Variants in TSNARE1 observed in about 807,000 individuals in gnomAD.
TSNARE1 encodes t-SNARE domain containing 1, also known as t-SNARE domain-containing protein 1.
Under a neutral mutation model 62.0 loss-of-function variants are expected in TSNARE1, and 49 were observed. The observed-to-expected ratio is 0.79, with a 90% confidence interval of 0.63 to 1.00. The LOEUF (loss-of-function observed/expected upper bound fraction) is 1.00, where lower values mean the gene tolerates loss of function less well. Ranked by LOEUF, TSNARE1 falls within the 50% of genes least tolerant of loss-of-function variation. The pLI is 0.00. For missense variants in TSNARE1, 755 were observed against 700.1 expected, an observed-to-expected ratio of 1.08 and a Z score of -0.88; for synonymous variants, 328 against 294.4, an observed-to-expected ratio of 1.11 and a Z score of -1.17.
intron 6 of TSNARE1, among the ~76,000 whole-genome samples, chr8:142,330,298 C>T (rs989751644): frequency 3.3e-5 from 5 of 152,186 alleles, no homozygotes; most frequent in African/African-American, 9.6e-5. Flanking sequence ...CCCCGCTCCC[C>T]AGCCCAGCCA....
chr8:142,347,807 T>G (rs1833571817), intron 2 of TSNARE1, among the ~76,000 whole-genome samples: 1 of 131,632 alleles, frequency 7.6e-6, no homozygotes, highest in African/African-American at 3.0e-5. Flanking sequence ...CTCGCCACAC[T>G]GCATCCGCTC....
chr8:142,347,653 G>A (rs910077779), intron 2 of TSNARE1, among the ~76,000 whole-genome samples: 3 of 151,398 alleles, frequency 2.0e-5, no homozygotes, highest in Admixed American at 6.6e-5. Context: ...CCATCACCTC[G>A]CCACACTGCA....
intron 9 of TSNARE1, among the ~76,000 whole-genome samples, chr8:142,306,372 T>C (rs1052896236): frequency 6.6e-6 from 1 of 152,170 alleles, no homozygotes; most frequent in African/African-American, 2.4e-5. Flanking sequence ...CTGGTGGAAA[T>C]GTAGGCTGAG....
intron 1 of TSNARE1, among the ~76,000 whole-genome samples, chr8:142,379,633 G>C (rs951943271): frequency 6.6e-6 from 1 of 152,170 alleles, no homozygotes; most frequent in Non-Finnish European, 1.5e-5. Context: ...TCTGCCTGAC[G>C]GGGAGGCGCG....
intron 1 of TSNARE1, among the ~76,000 whole-genome samples, chr8:142,360,563 T>C (rs1294710113): frequency 2.0e-5 from 3 of 152,124 alleles, no homozygotes; most frequent in Non-Finnish European, 2.9e-5. Context: ...ACCGAGCTGC[T>C]TCCGTGCCCG....
intron 1 of TSNARE1, among the ~76,000 whole-genome samples, chr8:142,394,263 G>A (rs1052073792): frequency 2.0e-5 from 3 of 152,182 alleles, no homozygotes; most frequent in Admixed American, 6.5e-5. Context: ...TCTGCCCATC[G>A]GACCACCCTG....
At chr8:142,284,587 C>G in intron 10 of TSNARE1, 102 bp from the exon 11 acceptor site, 1 of 896,644 alleles carries the variant, frequency 1.1e-6, no homozygotes, top group Admixed American at 1.8e-5. Flanking sequence ...CCAGGTGGCA[C>G]CTGCAGAATC....
At chr8:142,283,664 T>C (rs1165822934) in intron 11 of TSNARE1, among the ~76,000 whole-genome samples, 35 of 149,368 alleles carry the variant, frequency 2.3e-4, no homozygotes, top group South Asian at 8.5e-4. Flanking sequence ...TGTCTGTCAA[T>C]GAGCGGAGGT....
At chr8:142,357,566 G>A (rs944509751) in intron 1 of TSNARE1, among the ~76,000 whole-genome samples, 4 of 152,168 alleles carry the variant, frequency 2.6e-5, no homozygotes, top group African/African-American at 7.2e-5. Flanking sequence ...GGAGGGTGGA[G>A]CTAGGGATTG....
At chr8:142,399,064 A>T (rs1283567936) in intron 1 of TSNARE1, among the ~76,000 whole-genome samples, 1 of 152,214 alleles carries the variant, frequency 6.6e-6, no homozygotes, top group East Asian at 1.9e-4. Flanking sequence ...AGGCCCCTGC[A>T]GGAGACACCG....
rs79411880 is a variant in TSNARE1, at chr8:142,330,999, G to A, written c.824-29C>T. On this transcript the variant is annotated intron_variant, in intron 5 of 13. Coordinates refer to ENST00000524325, the MANE Select transcript of TSNARE1 (RefSeq NM_145003.5). ...CCCGAGAGAAGAGGGACAGGGTGAG[G>A]GCAGAAGGAGCTTCCCTGCCCCCTG... 4,061 of 1,608,564 alleles carry A rather than the reference G, an allele frequency of 2.5e-3. 83 individuals carry two copies. In the African/African-American group the frequency reaches 0.048, roughly 19 times the overall value.
chr8:142,398,089 GGCCTCCCGCTGCCTGGAGTAGCT>G (rs1262681070), intron 1 of TSNARE1, among the ~76,000 whole-genome samples: 2 of 151,964 alleles, frequency 1.3e-5, no homozygotes, highest in South Asian at 2.1e-4. Context: ...CCTTCCCTTG[GGCCTCCCGCTGCCTGGAGTAGCT>G]GCCTCTCCTG....
intron 12 of TSNARE1, among the ~76,000 whole-genome samples, chr8:142,249,370 G>A (rs1307053979): frequency 1.3e-5 from 2 of 152,184 alleles, no homozygotes; most frequent in Non-Finnish European, 2.9e-5. Context: ...CGAGGCCAGC[G>A]TGTGTGAGAG....
intron 13 of TSNARE1, among the ~76,000 whole-genome samples, chr8:142,223,065 T>C (rs111215884): frequency 0.87 from 72,107 of 82,808 alleles, 31,717 homozygotes; most frequent in Non-Finnish European, 0.9. Context: ...CTCATTCACT[T>C]ACTCGCTCAT....
chr8:142,384,397 T>C (rs1050783611), intron 1 of TSNARE1, among the ~76,000 whole-genome samples: 1 of 152,116 alleles, frequency 6.6e-6, no homozygotes, highest in East Asian at 1.9e-4. Flanking sequence ...AAAGAAAAAT[T>C]TGGAGGCCAC....
rs1172447129 is a variant in TSNARE1, at chr8:142,270,099, A to T, written c.1446+4682T>A. On this transcript the variant is annotated intron_variant, in intron 12 of 13. Coordinates refer to ENST00000524325, the MANE Select transcript of TSNARE1 (RefSeq NM_145003.5). ...CATGGGAGCCAGGCAGAGGCCCCAG[A>T]CTAGCCAAGGCCCGGGCTGGTCCCA... The T allele has an allele frequency of 3.0e-6, 3 of 985,312 alleles. No individual in the cohort carries two copies. The African/African-American group carries it at 5.2e-5, about 17-fold the overall frequency. 61.0% of individuals were successfully genotyped at this position (985,312 alleles called of 1,614,324 possible). A position where few individuals can be genotyped will look rare whatever the true frequency, so the allele number is the denominator to read the frequency against.
chr8:142,349,100 C>G (rs1400314418), intron 2 of TSNARE1, among the ~76,000 whole-genome samples: 1 of 152,212 alleles, frequency 6.6e-6, no homozygotes, highest in Non-Finnish European at 1.5e-5. Context: ...GGCACTGAGC[C>G]AGGCTCGCCC....
chr8:142,276,976 A>G, intron 11 of TSNARE1: 1 of 985,456 alleles, frequency 1.0e-6, no homozygotes. Flanking sequence ...GAGATGCACA[A>G]GGGGAGGGGG....
chr8:142,215,503 C>A (rs1028510123), intron 13 of TSNARE1, among the ~76,000 whole-genome samples: 1 of 152,158 alleles, frequency 6.6e-6, no homozygotes, highest in Non-Finnish European at 1.5e-5. Flanking sequence ...CATCCATTGC[C>A]CTTGTCCACC....
Sources: allele counts gnomAD v4.1 joint callset (sites outside exome capture counted in the v4.1 genomes callset), GRCh38; gene constraint gnomAD v4.1.1; transcripts MANE v1.5; gene names NCBI Gene and HGNC (gene_info 2026-07-23, HGNC 2026-07-21).